Variants in TPRG1 observed in about 807,000 individuals in gnomAD.
The protein encoded by TPRG1 is tumor protein p63-regulated gene 1 protein.
TPRG1 carries 29 observed loss-of-function variants against 29.3 expected under a neutral mutation model. That is an observed-to-expected ratio of 0.99 (90% confidence interval 0.74 to 1.35). TPRG1 has a LOEUF of 1.35. TPRG1 is among the 40% of genes most tolerant of loss of function. TPRG1 has a pLI of 0.00. For synonymous variants in TPRG1, 130 were observed against 116.8 expected, an observed-to-expected ratio of 1.11 and a Z score of -0.73; for missense variants, 327 against 335.0, an observed-to-expected ratio of 0.98 and a Z score of 0.19.
chr3:189,303,227 C>T (rs576307791), intron 4 of TPRG1, among the ~76,000 whole-genome samples: 4 of 152,046 alleles, frequency 2.6e-5, no homozygotes, highest in African/African-American at 9.6e-5. Flanking sequence ...TTTTGGATAA[C>T]TTTATTAAGT....
intron 1 of TPRG1, among the ~76,000 whole-genome samples, chr3:189,198,615 CAGG>C (rs1732948843): frequency 1.3e-5 from 2 of 152,320 alleles, no homozygotes; most frequent in Admixed American, 1.3e-4. Flanking sequence ...AAGGAACAGG[CAGG>C]GTATCCATTC....
At chr3:189,220,218 G>T (rs1301231952) in intron 3 of TPRG1, among the ~76,000 whole-genome samples, 19 of 151,778 alleles carry the variant, frequency 1.3e-4, no homozygotes, top group Admixed American at 1.2e-3. Context: ...CCATTTAATA[G>T]GTCCTTTAGT....
At position 189,222,880 on chromosome 3, in the gene TPRG1, A is replaced by G. The variant is rs985438458; in HGVS notation, c.302+7497A>G. On this transcript the variant is annotated intron_variant, in intron 3 of 5. Coordinates refer to ENST00000345063, the MANE Select transcript of TPRG1 (RefSeq NM_198485.4). Reference sequence around the variant, plus strand: ...TTGGCCTCATGATTGCACTCATCCCATTTCCTCTGTTTTGTATGCCTCTGC... The same window carrying G: ...TTGGCCTCATGATTGCACTCATCCCGTTTCCTCTGTTTTGTATGCCTCTGC... 2.6e-5 allele frequency among the ~76,000 whole-genome samples: 4 copies of G among 151,718 alleles called. No homozygotes were observed. The East Asian group carries it at 7.7e-4, about 29-fold the overall frequency.
At chr3:189,044,002 C>T (rs1243576185) in intron 4 of TPRG1, among the ~76,000 whole-genome samples, 1 of 151,874 alleles carries the variant, frequency 6.6e-6, no homozygotes, top group Non-Finnish European at 1.5e-5. Flanking sequence ...TCTAATGATC[C>T]AGTATCAATG....
chr3:189,244,348 G>A (rs1314033236), intron 4 of TPRG1, among the ~76,000 whole-genome samples: 12 of 152,104 alleles, frequency 7.9e-5, no homozygotes, highest in Non-Finnish European at 1.6e-4. Context: ...GAACCTGGGA[G>A]GTGGAGATTT....
intron 3 of TPRG1, among the ~76,000 whole-genome samples, chr3:189,142,289 T>C (rs1243733286): frequency 6.6e-6 from 1 of 152,116 alleles, no homozygotes; most frequent in Non-Finnish European, 1.5e-5. Context: ...AATGGCTTTA[T>C]AAACTACACC....
At chr3:189,247,479 G>A (rs1741529675) in intron 4 of TPRG1, among the ~76,000 whole-genome samples, 1 of 151,404 alleles carries the variant, frequency 6.6e-6, no homozygotes, top group African/African-American at 2.4e-5. Flanking sequence ...CCCTTTTCTT[G>A]AGAGTGGTTC....
intron 4 of TPRG1, among the ~76,000 whole-genome samples, chr3:189,072,288 C>T (rs565504526): frequency 9.9e-5 from 15 of 152,260 alleles, no homozygotes; most frequent in Non-Finnish European, 1.3e-4. Flanking sequence ...TTATCTCCTG[C>T]CCCAGTTTAA....
In TPRG1 at chr3:189,151,168, G is replaced by A. The variant is rs59625073; in HGVS notation, c.-10+296G>A. The stretch of plus-strand genomic sequence containing the variant: ...TCCAAAGATGTTTGTGGAAAGACCT[G>A]TGCAAAACACTTCAGATGGCAACCC... On this transcript the variant is annotated intron_variant, in intron 5 of 6. Coordinates refer to the TPRG1 transcript ENST00000412373. The A allele has an allele frequency of 2.6e-3, 391 of 152,280 alleles. 2 individuals carry two copies. Among genetic ancestry groups the A allele is most frequent in the African/African-American group, 8.8e-3 (367 of 41,568 alleles). The allele number at this position is 152,280 out of a possible 1,614,324, so 9.4% of individuals were successfully genotyped here. A position where few individuals can be genotyped will look rare whatever the true frequency, so the allele number is the denominator to read the frequency against.
chr3:189,013,106 T>C (rs1472001857), intron 3 of TPRG1, among the ~76,000 whole-genome samples: 2 of 152,174 alleles, frequency 1.3e-5, no homozygotes, highest in Non-Finnish European at 2.9e-5. Context: ...CTTTTAGTGA[T>C]GTTAGGTTGT....
intron 3 of TPRG1, among the ~76,000 whole-genome samples, chr3:189,219,040 A>G (rs943109642): frequency 3.3e-5 from 5 of 152,236 alleles, no homozygotes; most frequent in Non-Finnish European, 4.4e-5. Context: ...AAAGACCACT[A>G]TTGGCCCTCA....
chr3:189,296,825 A>T (rs1321015860), intron 4 of TPRG1, among the ~76,000 whole-genome samples: 1 of 151,986 alleles, frequency 6.6e-6, no homozygotes, highest in African/African-American at 2.4e-5. Context: ...AAACATTTGA[A>T]TAATCTTCAA....
At chr3:189,262,510 T>C (rs1277140103) in intron 4 of TPRG1, among the ~76,000 whole-genome samples, 3 of 152,090 alleles carry the variant, frequency 2.0e-5, no homozygotes, top group Non-Finnish European at 4.4e-5. Context: ...CCCATTGTGC[T>C]CAGAGAGTCA....
At chr3:189,121,267 C>G (rs2108505470) in intron 1 of TPRG1, 1 of 152,200 alleles carries the variant, frequency 6.6e-6, no homozygotes, top group Admixed American at 6.5e-5. Context: ...CCTGTTTTAC[C>G]ACATCATTTC....
intron 1 of TPRG1, among the ~76,000 whole-genome samples, chr3:189,204,037 CA>C (rs35367828): frequency 0.067 from 5,851 of 87,304 alleles, 77 homozygotes; most frequent in Admixed American, 0.14. Context: ...GAGACTGTCT[CA>C]AAAAAAAAAA....
At chr3:189,099,971 C>CAA (rs1386636143), upstream of TPRG1, 2 of 152,242 alleles carry the variant, frequency 1.3e-5, no homozygotes, top group African/African-American at 4.8e-5. Context: ...TGCCTAAATA[C>CAA]AATCTCTATG....
chr3:189,043,864 G>A (rs1714791578), intron 4 of TPRG1, among the ~76,000 whole-genome samples: 1 of 152,172 alleles, frequency 6.6e-6, no homozygotes. Flanking sequence ...TTTATTCCCA[G>A]AGAAGAGAGC....
At chr3:189,240,281 A>C (rs1740321373) in intron 4 of TPRG1, 1 of 152,126 alleles carries the variant, frequency 6.6e-6, no homozygotes, top group Admixed American at 6.5e-5. Flanking sequence ...TATTACAAAA[A>C]TGTTCATTTT....
At position 189,322,922 on chromosome 3, in the gene TPRG1, A is replaced by G. The variant is rs937144029; in HGVS notation, c.*2102A>G. 1 of 152,150 alleles carries G rather than the reference A, an allele frequency of 6.6e-6. No individual in the cohort carries two copies. The highest frequency in any genetic ancestry group is 1.5e-5 in the Non-Finnish European group (1 of 68,018). 9.4% of individuals were successfully genotyped at this position (152,150 alleles called of 1,614,324 possible). Reference sequence around the variant, plus strand: ...TGCATAAAGAGTGAACTCAGAGACGACAAGAGGGTCTTTATGAATTCCCTT... The same window carrying G: ...TGCATAAAGAGTGAACTCAGAGACGGCAAGAGGGTCTTTATGAATTCCCTT... On this transcript the variant is annotated 3_prime_UTR_variant, in exon 6 of 6. Coordinates refer to ENST00000345063, the MANE Select transcript of TPRG1 (RefSeq NM_198485.4).
Sources: gnomAD v4.1 joint callset for allele counts (sites outside exome capture counted in the v4.1 genomes callset) on GRCh38, gnomAD v4.1.1 for gene constraint, MANE v1.5 for transcripts, NCBI Gene and HGNC (gene_info 2026-07-23, HGNC 2026-07-21) for gene names.